LCLAT1: variants seen among roughly 807,000 people sequenced by gnomAD.
LCLAT1 encodes 1-AGP acyltransferase 8.
A neutral mutation model predicts 30.7 loss-of-function variants in LCLAT1; 11 were observed. The observed-to-expected ratio is 0.36, with a 90% CI of 0.23 to 0.59. The LOEUF (loss-of-function observed/expected upper bound fraction) is 0.59, where lower values mean the gene tolerates loss of function less well. LCLAT1 is among the 20% of genes least tolerant of loss of function. LCLAT1 has a pLI of 0.77. For synonymous variants in LCLAT1, 155 were observed against 151.3 expected, an observed-to-expected ratio of 1.02 and a Z score of -0.18; for missense variants, 402 against 458.6, an observed-to-expected ratio of 0.88 and a Z score of 1.13.
intron 1 of LCLAT1, among the ~76,000 whole-genome samples, chr2:30,520,569 C>T (rs1031847585): frequency 1.3e-5 from 2 of 151,976 alleles, no homozygotes; most frequent in African/African-American, 2.4e-5. Flanking sequence ...GCCTCAGTAT[C>T]GTTATATGTA....
chr2:30,472,153 A>G (rs1682829849), intron 1 of LCLAT1, among the ~76,000 whole-genome samples: 2 of 152,234 alleles, frequency 1.3e-5, no homozygotes, highest in African/African-American at 4.8e-5. Context: ...AACAGAAGAA[A>G]CATCCACATG....
chr2:30,508,293 C>T (rs565675800), intron 1 of LCLAT1, among the ~76,000 whole-genome samples: 1 of 152,182 alleles, frequency 6.6e-6, no homozygotes, highest in South Asian at 2.1e-4. Context: ...TCTGAAATCT[C>T]GTTTGTCAGT....
At chr2:30,463,531 C>T (rs1401218716) in intron 1 of LCLAT1, among the ~76,000 whole-genome samples, 2 of 152,160 alleles carry the variant, frequency 1.3e-5, no homozygotes, top group Non-Finnish European at 2.9e-5. Context: ...TAGATTCAAC[C>T]AACCATGGAT....
intron 1 of LCLAT1, chr2:30,459,486 A>T: frequency 1.4e-6 from 1 of 716,486 alleles, no homozygotes; most frequent in South Asian, 1.7e-5. Context: ...GAACCATCTG[A>T]TGAGCCCGGT....
At chr2:30,525,943 A>T (rs1393603075) in intron 2 of LCLAT1, among the ~76,000 whole-genome samples, 188 bp downstream of exon 2, 11 of 152,184 alleles carry the variant, frequency 7.2e-5, no homozygotes. Flanking sequence ...CTATGTAAAT[A>T]GTTGTTATTG....
intron 1 of LCLAT1, among the ~76,000 whole-genome samples, chr2:30,462,873 G>A (rs1682232520): frequency 6.6e-6 from 1 of 152,170 alleles, no homozygotes. Context: ...TGAATAGGGA[G>A]CATTCTTTAG....
chr2:30,627,552 T>G (rs1668570715), intron 5 of LCLAT1, among the ~76,000 whole-genome samples: 1 of 152,252 alleles, frequency 6.6e-6, no homozygotes. Context: ...TCTGTATAAA[T>G]CTATTAAGTC....
At chr2:30,469,634 A>G (rs1682670487) in intron 1 of LCLAT1, among the ~76,000 whole-genome samples, 1 of 137,262 alleles carries the variant, frequency 7.3e-6, no homozygotes, top group African/African-American at 2.9e-5. Flanking sequence ...GGTGGAGTGC[A>G]GTGGTGTGAT....
intron 5 of LCLAT1, among the ~76,000 whole-genome samples, chr2:30,580,797 A>T (rs1378484063): frequency 6.6e-6 from 1 of 152,098 alleles, no homozygotes; most frequent in Non-Finnish European, 1.5e-5. Flanking sequence ...TTTTTGTTTG[A>T]CTTTATAAAT....
intron 1 of LCLAT1, among the ~76,000 whole-genome samples, 170 bp from the exon 2 acceptor site, chr2:30,525,417 A>G (rs1324332779): frequency 6.6e-6 from 1 of 152,178 alleles, no homozygotes; most frequent in Non-Finnish European, 1.5e-5. Flanking sequence ...TTGTTAGACC[A>G]GTAGAGCATG....
intron 3 of LCLAT1, among the ~76,000 whole-genome samples, chr2:30,558,010 A>G (rs376900594): frequency 9.8e-4 from 149 of 152,348 alleles, no homozygotes; most frequent in South Asian, 3.5e-3. Context: ...AAATGTATCA[A>G]TCATGAACTA....
chr2:30,581,167 G>T (rs1666199158), intron 5 of LCLAT1, among the ~76,000 whole-genome samples: 1 of 152,162 alleles, frequency 6.6e-6, no homozygotes, highest in Non-Finnish European at 1.5e-5. Context: ...TCAGACTACA[G>T]AGCCAGTCTG....
intron 3 of LCLAT1, among the ~76,000 whole-genome samples, chr2:30,547,577 C>T (rs1471709417): frequency 6.6e-6 from 1 of 152,000 alleles, no homozygotes; most frequent in East Asian, 1.9e-4. Flanking sequence ...GATACTCCTC[C>T]TTAATAAGAT....
chr2:30,465,418 C>CT (rs1421191352), intron 1 of LCLAT1, among the ~76,000 whole-genome samples: 2 of 152,090 alleles, frequency 1.3e-5, no homozygotes, highest in African/African-American at 4.8e-5. Flanking sequence ...TGCTTTCAGA[C>CT]TTTTTTTGGC....
chr2:30,607,845 CTGTGTGTGTGTG>C (rs55801578), intron 5 of LCLAT1: 11,920 of 138,178 alleles, frequency 0.086, 553 homozygotes, highest in East Asian at 0.14. Flanking sequence ...TAGGCCTAGG[CTGTGTGTGTGTG>C]TGTGTGTGTG....
intron 1 of LCLAT1, among the ~76,000 whole-genome samples, chr2:30,509,185 T>G (rs1157277248): frequency 6.6e-6 from 1 of 152,224 alleles, no homozygotes; most frequent in Non-Finnish European, 1.5e-5. Context: ...CTTTGGGTTT[T>G]CTAGATATAG....
chr2:30,603,458 C>G (rs1362787530), intron 5 of LCLAT1, among the ~76,000 whole-genome samples: 1 of 151,270 alleles, frequency 6.6e-6, no homozygotes, highest in East Asian at 1.9e-4. Context: ...TGGAGGAAAC[C>G]TTCAATTTTT....
intron 5 of LCLAT1, among the ~76,000 whole-genome samples, chr2:30,616,334 A>T (rs534854027): frequency 6.6e-6 from 1 of 152,182 alleles, no homozygotes; most frequent in Non-Finnish European, 1.5e-5. Context: ...AACAGATTAG[A>T]TGCCATACTG....
chr2:30,583,228 C>G (rs140170991), intron 5 of LCLAT1, among the ~76,000 whole-genome samples: 30 of 152,278 alleles, frequency 2.0e-4, no homozygotes, highest in African/African-American at 6.7e-4. Context: ...ATTTGAGGAG[C>G]TAAACCAGAA....
Sources: gnomAD v4.1 joint callset for allele counts (sites outside exome capture counted in the v4.1 genomes callset) on GRCh38, gnomAD v4.1.1 for gene constraint, MANE v1.5 for transcripts, NCBI Gene and HGNC (gene_info 2026-07-23, HGNC 2026-07-21) for gene names.